The following PTGDR variants were observed in gnomAD, a reference collection of about 807,000 sequenced individuals.
PTGDR encodes PGD2 receptor.
PTGDR carries 19 observed loss-of-function variants against 17.4 expected under a neutral mutation model. The observed-to-expected ratio is 1.09, with a 90% CI of 0.76 to 1.60. PTGDR has a LOEUF of 1.60. PTGDR is among the 40% of genes most tolerant of loss of function. The pLI is 0.00. For synonymous variants in PTGDR, 267 were observed against 224.2 expected (o/e 1.19, Z -1.71); for missense variants, 526 against 481.9 (o/e 1.09, Z -0.86).
chr14:52,268,658 A>G lies in PTGDR; in HGVS notation c.844A>G (p.Ile282Val), dbSNP rs112041534. ...VLFTMCSLPV[I>V]YRAYYGAFKD... Reference sequence around the variant, plus strand: ...CTTCACTATGTGTTCTCTGCCCGTAATTGTGAGTCCCCGGGCCCCGAGGCA... The same window carrying G: ...CTTCACTATGTGTTCTCTGCCCGTAGTTGTGAGTCCCCGGGCCCCGAGGCA... Residue 282 changes from isoleucine (I) to valine (V), a missense_variant and splice_region_variant, in exon 1 of 2, where the codon ATT (isoleucine) becomes GTT (valine). Ile to Val is a conservative substitution (Grantham distance 29). Transcript: ENST00000306051. 11 of 1,561,806 alleles carry G rather than the reference A, an allele frequency of 7.0e-6. No homozygotes were observed. Among genetic ancestry groups the G allele is most frequent in the Non-Finnish European group, 9.5e-6 (11 of 1,152,902 alleles).
At position 52,268,112 on chromosome 14, in the gene PTGDR, T is replaced by C. The variant is rs150631257; in HGVS notation, c.298T>C (p.Leu100=). 1.9e-6 allele frequency: 3 copies of C among 1,614,114 alleles called. No homozygotes were observed. Among genetic ancestry groups the C allele is most frequent in the Non-Finnish European group, 2.5e-6 (3 of 1,180,044 alleles). ...NRSLRVLAPA[L]DNSLCQAFAF... is the part of the protein sequence containing the mutation. ...GAGTCTGCGGGTGCTTGCGCCCGCA[T>C]TGGACAACTCGTTGTGCCAAGCCTT... is the stretch of plus-strand genomic sequence containing the variant. Residue 100 remains leucine, a synonymous_variant, in exon 1 of 2, where the codon TTG becomes CTG. Transcript: ENST00000306051.
At chr14:52,278,164 A>G (rs1435843857), downstream of PTGDR, among the ~76,000 whole-genome samples, 3 of 152,232 alleles carry the variant, frequency 2.0e-5, no homozygotes, top group East Asian at 5.8e-4. Context: ...AAACACATGC[A>G]CACGTATGTT....
chr14:52,268,741 G>A, intron 1 of PTGDR, 81 bp downstream of exon 1: 10 of 1,421,208 alleles, frequency 7.0e-6, no homozygotes, highest in Non-Finnish European at 9.5e-6. Context: ...GAGCGGATCG[G>A]GATGGACGCG....
rs372145583 is a variant in PTGDR, at chr14:52,268,474, C to G, written c.660C>G (p.Gly220=). The G allele has an allele frequency of 2.5e-6, 4 of 1,610,104 alleles. No homozygotes were observed. The highest frequency in any genetic ancestry group is 1.7e-5 in the Admixed American group (1 of 60,010). ...LVLATVLCNL[G]AMRNLYAMHR... ...TCGCCACCGTGCTGTGCAACCTCGG[C>G]GCCATGCGCAACCTCTATGCGATGC... The change falls in exon 1 of 2, where the codon GGC becomes GGG. Residue 220 remains glycine (G), a synonymous_variant. Transcript: ENST00000306051.
chr14:52,275,319 A>G lies in PTGDR; in HGVS notation c.*355A>G, dbSNP rs201825485. 1 of 186,190 alleles carries G rather than the reference A, an allele frequency of 5.4e-6. No homozygotes were observed. Among genetic ancestry groups the G allele is most frequent in the African/African-American group, 2.4e-5 (1 of 42,066 alleles). The allele number at this position is 186,190 out of a possible 1,614,324, so 11.5% of individuals were successfully genotyped here. A position where few individuals can be genotyped will look rare whatever the true frequency, so the allele number is the denominator to read the frequency against. ...CCTTGAGACATACAGGTCTTTTAAA[A>G]TACAGTAGAAACACCACTGTTTACG... On this transcript the variant is annotated 3_prime_UTR_variant, in exon 2 of 2. Transcript: ENST00000306051.
In PTGDR at chr14:52,275,580, G is replaced by C. The variant is rs2033409559; in HGVS notation, c.*616G>C. Reference sequence around the variant, plus strand: ...CGGGGAGTACTTGCTGCCTCAGGTGGAGACCTGAAGCTGTAACTAGATGCA... The same window carrying C: ...CGGGGAGTACTTGCTGCCTCAGGTGCAGACCTGAAGCTGTAACTAGATGCA... On this transcript the variant is annotated 3_prime_UTR_variant, in exon 2 of 2. Transcript: ENST00000306051. The C allele has an allele frequency of 6.6e-6, 1 of 152,436 alleles. No individual in the cohort carries two copies. Among genetic ancestry groups the C allele is most frequent in the African/African-American group, 2.4e-5 (1 of 41,430 alleles). The allele number at this position is 152,436 out of a possible 1,614,324, so 9.4% of individuals were successfully genotyped here.
Position 52,271,774 on chromosome 14 carries a change from G to T in PTGDR, c.847-2957G>T, listed in dbSNP as rs189655618. On this transcript the variant is annotated intron_variant, in intron 1 of 1. Transcript: ENST00000306051. ...CATAAAATTCACTGTACACTTGTGAGAGAATGAAGGGGAAAAAGGCAAATC... is the reference window on the plus strand; with the variant it reads ...CATAAAATTCACTGTACACTTGTGATAGAATGAAGGGGAAAAAGGCAAATC... Among the ~76,000 whole-genome samples, 15 of 152,340 alleles carry T rather than the reference G, an allele frequency of 9.8e-5. 1 individual carries two copies. The highest frequency in any genetic ancestry group is 7.2e-4 in the Admixed American group (11 of 15,306).
intron 1 of PTGDR, among the ~76,000 whole-genome samples, chr14:52,273,101 C>A (rs2033352463): frequency 1.3e-5 from 2 of 152,212 alleles, no homozygotes; most frequent in African/African-American, 4.8e-5. Context: ...CAACCTCGGC[C>A]TCCCAGGTTC....
chr14:52,273,303 G>A (rs1164226302), intron 1 of PTGDR, among the ~76,000 whole-genome samples: 4 of 152,122 alleles, frequency 2.6e-5, no homozygotes, highest in Non-Finnish European at 5.9e-5. Context: ...GTGAGCCACC[G>A]TGCCCGGCCT....
intron 1 of PTGDR, among the ~76,000 whole-genome samples, chr14:52,269,066 T>C (rs571216763): frequency 6.6e-6 from 1 of 152,282 alleles, no homozygotes; most frequent in East Asian, 1.9e-4. Context: ...TGTTTTATTT[T>C]GTTAGACCTG....
intron 1 of PTGDR, among the ~76,000 whole-genome samples, chr14:52,273,335 G>C (rs1480876822): frequency 2.0e-5 from 3 of 152,128 alleles, no homozygotes; most frequent in Non-Finnish European, 4.4e-5. Context: ...ATATGCCTTA[G>C]AGAATGCCTC....
chr14:52,267,969 G>A lies in PTGDR; in HGVS notation c.155G>A (p.Arg52His), dbSNP rs201634015. ...ARSGLGWCSRRPLRPLPSVFY... is the reference protein window; with the variant it reads ...ARSGLGWCSRHPLRPLPSVFY... ...TCGGGGCTGGGGTGGTGCTCGCGGC[G>A]TCCACTGCGCCCGCTGCCCTCGGTC... The change falls in exon 1 of 2, where the codon CGT becomes CAT. Residue 52 changes from arginine (R) to histidine (H), a missense_variant. Physicochemically the swap from Arg to His is conservative, Grantham distance 29. Transcript: ENST00000306051. The A allele has an allele frequency of 2.5e-6, 4 of 1,609,288 alleles. No homozygotes were observed. Among genetic ancestry groups the A allele is most frequent in the Non-Finnish European group, 1.7e-6 (2 of 1,179,738 alleles).
At chr14:52,278,559 A>T (rs1274395691), downstream of PTGDR, among the ~76,000 whole-genome samples, 2 of 152,188 alleles carry the variant, frequency 1.3e-5, no homozygotes, top group African/African-American at 2.4e-5. Flanking sequence ...TGGCACAGGT[A>T]TACATATGTA....
intron 1 of PTGDR, among the ~76,000 whole-genome samples, chr14:52,274,361 C>T (rs1390275568): frequency 2.6e-5 from 4 of 152,190 alleles, no homozygotes; most frequent in Non-Finnish European, 5.9e-5. Context: ...AGGACACTAG[C>T]TAGAAAGAGA....
chr14:52,273,008 T>C (rs1184748689), intron 1 of PTGDR, among the ~76,000 whole-genome samples: 3 of 151,958 alleles, frequency 2.0e-5, no homozygotes, highest in African/African-American at 4.8e-5. Flanking sequence ...TGGGTGAAAA[T>C]ATGTTTTTTT....
At position 52,275,838 on chromosome 14, in the gene PTGDR, C is replaced by G. The variant is rs946297677; in HGVS notation, c.*874C>G. ...TCTTTGAAAACCAGTGTGTGACTCA[C>G]TGTAGAGCCATGTTTACTGTTTGAC... is the stretch of plus-strand genomic sequence containing the variant. On this transcript the variant is annotated 3_prime_UTR_variant, in exon 2 of 2. Coordinates refer to ENST00000306051, the MANE Select transcript of PTGDR (RefSeq NM_000953.3). 4 of 152,670 alleles carry G rather than the reference C, an allele frequency of 2.6e-5. No homozygotes were observed. Among genetic ancestry groups the G allele is most frequent in the African/African-American group, 9.6e-5 (4 of 41,518 alleles). The allele number at this position is 152,670 out of a possible 1,614,324, so 9.5% of individuals were successfully genotyped here.
rs1438139577 is a variant in PTGDR, at chr14:52,268,011, G to C, written c.197G>C (p.Cys66Ser). The C allele has an allele frequency of 6.2e-7, 1 of 1,610,302 alleles. No homozygotes were observed. The highest frequency in any genetic ancestry group is 8.5e-7 in the Non-Finnish European group (1 of 1,180,018). The change falls in exon 1 of 2, where the codon TGT (cysteine) becomes TCT (serine). Residue 66 changes from cysteine to serine, a missense_variant. By Grantham distance (112) the Cys-to-Ser change is moderately radical. Coordinates refer to ENST00000306051, the MANE Select transcript of PTGDR (RefSeq NM_000953.3). ...CCCTCGGTCTTCTACATGCTGGTGT[G>C]TGGCCTGACGGTCACCGACTTGCTG... is the stretch of plus-strand genomic sequence containing the variant. ...PLPSVFYMLV[C>S]GLTVTDLLGK...
At position 52,267,978 on chromosome 14, in the gene PTGDR, G is replaced by A. The variant is rs141831512; in HGVS notation, c.164G>A (p.Arg55His). ...GLGWCSRRPL[R>H]PLPSVFYMLV... The stretch of plus-strand genomic sequence containing the variant: ...GGGTGGTGCTCGCGGCGTCCACTGC[G>A]CCCGCTGCCCTCGGTCTTCTACATG... Residue 55 changes from arginine (R) to histidine (H), a missense_variant, in exon 1 of 2, where the codon CGC becomes CAC. Physicochemically the swap from Arg to His is conservative, Grantham distance 29 (BLOSUM62 0). Transcript: ENST00000306051. 1,385 of 1,609,362 alleles carry A rather than the reference G, an allele frequency of 8.6e-4. 4 individuals carry two copies. In the Middle Eastern group the frequency reaches 0.017, roughly 20 times the overall value.
Position 52,268,657 on chromosome 14 carries a change from A to G in PTGDR, c.843A>G (p.Val281=). Residue 281 remains valine, a synonymous_variant, in exon 1 of 2, where the codon GTA becomes GTG. Coordinates refer to ENST00000306051, the MANE Select transcript of PTGDR (RefSeq NM_000953.3). Reference sequence around the variant, plus strand: ...TCTTCACTATGTGTTCTCTGCCCGTAATTGTGAGTCCCCGGGCCCCGAGGC... The same window carrying G: ...TCTTCACTATGTGTTCTCTGCCCGTGATTGTGAGTCCCCGGGCCCCGAGGC... ...TVLFTMCSLP[V]IYRAYYGAFK... The G allele has an allele frequency of 6.4e-7, 1 of 1,562,570 alleles. No homozygotes were observed. Among genetic ancestry groups the G allele is most frequent in the Non-Finnish European group, 8.7e-7 (1 of 1,153,308 alleles).
Sources: allele counts gnomAD v4.1 joint callset (sites outside exome capture counted in the v4.1 genomes callset), GRCh38; gene constraint gnomAD v4.1.1; transcripts MANE v1.5; gene names NCBI Gene and HGNC (gene_info 2026-07-23, HGNC 2026-07-21).